The following CLTB variants were observed in gnomAD, a reference collection of about 807,000 sequenced individuals.
CLTB encodes clathrin, light chain (Lcb).
CLTB carries 10 observed loss-of-function variants against 30.5 expected under a neutral mutation model. The observed-to-expected ratio is 0.33, with a 90% CI of 0.20 to 0.56. The LOEUF is 0.56. Among genes scored for constraint, CLTB ranks in the 20% least tolerant of loss-of-function variants. The pLI is 0.91. For missense variants in CLTB, 261 were observed against 308.3 expected (o/e 0.85, Z 1.15); for synonymous variants, 102 against 120.3 (o/e 0.85, Z 1.00).
Position 176,416,467 on chromosome 5 carries a change from G to A in CLTB, c.-104C>T, listed in dbSNP as rs1475185836. 3.0e-6 allele frequency: 3 copies of A among 1,001,828 alleles called. No individual in the cohort carries two copies. The highest frequency in any genetic ancestry group is 1.7e-5 in the African/African-American group (1 of 57,294). 62.1% of individuals were successfully genotyped at this position (1,001,828 alleles called of 1,614,324 possible). On this transcript the variant is annotated 5_prime_UTR_variant, in exon 1 of 6. Coordinates refer to ENST00000310418, the MANE Select transcript of CLTB (RefSeq NM_007097.5). ...ACGCTGTCACCCGAGCCGCGGGGGA[G>A]CCGGCGTCGGCGGGGACGGGCTTGG...
chr5:176,399,238 G>A (rs1314555018), intron 2 of CLTB, among the ~76,000 whole-genome samples: 1 of 152,186 alleles, frequency 6.6e-6, no homozygotes, highest in East Asian at 1.9e-4. Context: ...GCCCAGCACA[G>A]TGCCTGGCCC....
chr5:176,396,194 G>A, intron 5 of CLTB, among the ~76,000 whole-genome samples: 1 of 152,090 alleles, frequency 6.6e-6, no homozygotes, highest in East Asian at 1.9e-4. Context: ...GAGGGAGGGA[G>A]TTGGGGTGCT....
Position 176,404,799 on chromosome 5 carries a change from G to A in CLTB, c.234+5458C>T, listed in dbSNP as rs562173776. On this transcript the variant is annotated intron_variant, in intron 2 of 5. Transcript: ENST00000310418. ...CCGGTGAACCCCGGAATGAGTGACC[G>A]ACCCTCTGTGGCTTTGCACATGCTC... Among the ~76,000 whole-genome samples, 446 of 152,268 alleles carry A rather than the reference G, an allele frequency of 2.9e-3. 1 individual carries two copies. The highest frequency in any genetic ancestry group is 0.01 in the African/African-American group (417 of 41,562).
At chr5:176,400,967 G>A (rs1485638527) in intron 2 of CLTB, among the ~76,000 whole-genome samples, 3 of 152,124 alleles carry the variant, frequency 2.0e-5, no homozygotes, top group Non-Finnish European at 2.9e-5. Context: ...GTGAGGGAAG[G>A]GCAGGCCAGG....
intron 2 of CLTB, among the ~76,000 whole-genome samples, chr5:176,400,115 C>T (rs890148261): frequency 1.3e-5 from 2 of 149,322 alleles, no homozygotes; most frequent in Admixed American, 1.3e-4. Context: ...CACTTGAATC[C>T]GGGGCGGGGC....
In CLTB at chr5:176,416,206, G is replaced by C; in HGVS notation, c.158C>G (p.Ala53Gly). Residue 53 changes from alanine (A) to glycine (G), a missense_variant, in exon 1 of 6, where the codon GCC becomes GGC. Around this residue, in one of 3 missense-constraint regions of CLTB, gnomAD observed 113 missense variants for 102.5 expected, o/e 1.10. Transcript: ENST00000310418. ...ACTCGTGGGGCCCGGCTGCGCGGGG[G>C]CCGCATGGCTGCCGGCAGGTGCCCC... is the stretch of plus-strand genomic sequence containing the variant. ...GFGAPAGSHA[A>G]PAQPGPTSGA... is the part of the protein sequence containing the mutation. The C allele has an allele frequency of 1.3e-6, 2 of 1,592,972 alleles. No homozygotes were observed. Among genetic ancestry groups the C allele is most frequent in the Non-Finnish European group, 1.7e-6 (2 of 1,172,744 alleles).
chr5:176,397,575 A>AC (rs774748259), intron 4 of CLTB, 32 bp downstream of exon 4: 1 of 571,048 alleles, frequency 1.8e-6, no homozygotes, highest in Non-Finnish European at 2.5e-6. Flanking sequence ...TCATGTCCCC[A>AC]TGGCCCCCTC....
intron 2 of CLTB, among the ~76,000 whole-genome samples, chr5:176,402,215 T>C (rs971857194): frequency 3.3e-5 from 5 of 152,108 alleles, no homozygotes; most frequent in Non-Finnish European, 5.9e-5. Context: ...GGCAGGAGAA[T>C]TGAACCCGGG....
At chr5:176,401,098 TGGGCCCTTCTG>T (rs1321479956) in intron 2 of CLTB, among the ~76,000 whole-genome samples, 4 of 152,198 alleles carry the variant, frequency 2.6e-5, no homozygotes, top group Non-Finnish European at 5.9e-5. Flanking sequence ...AACATCCCAG[TGGGCCCTTCTG>T]GGGCCCTTCT....
chr5:176,402,107 A>T (rs190692564), intron 2 of CLTB, among the ~76,000 whole-genome samples: 20 of 152,202 alleles, frequency 1.3e-4, no homozygotes, highest in Non-Finnish European at 2.8e-4. Context: ...GTTCGAGACC[A>T]CCCTGGGCAA....
At chr5:176,415,893 G>A (rs1207423645) in intron 1 of CLTB, among the ~76,000 whole-genome samples, 3 of 152,196 alleles carry the variant, frequency 2.0e-5, no homozygotes, top group Non-Finnish European at 4.4e-5. Flanking sequence ...TCAAAACTGA[G>A]GTGGGGTTGG....
chr5:176,393,819 G>A lies in CLTB; in HGVS notation c.519-874C>T, dbSNP rs988924887. On this transcript the variant is annotated intron_variant, in intron 5 of 5. Coordinates refer to ENST00000310418, the MANE Select transcript of CLTB (RefSeq NM_007097.5). This position sits in a 1 kb window ranked among gnomAD's most constrained non-coding sequence, Gnocchi z 4.4. ...ACAGTCTAGTGGACAAAATCTACAC[G>A]TGGGACTCACTAACAGAAAGACAAT... Among the ~76,000 whole-genome samples, 2 of 152,220 alleles carry A rather than the reference G, an allele frequency of 1.3e-5. No individual in the cohort carries two copies. Among genetic ancestry groups the A allele is most frequent in the East Asian group, 1.9e-4 (1 of 5,202 alleles).
At chr5:176,398,141 T>A (rs1409815962) in intron 2 of CLTB, 94 bp from the exon 3 acceptor site, 4 of 1,162,478 alleles carry the variant, frequency 3.4e-6, no homozygotes. Context: ...TCTGGATAAC[T>A]CAGCCTCAAA....
chr5:176,410,322 G>A lies in CLTB; in HGVS notation c.188-19C>T. The stretch of plus-strand genomic sequence containing the variant: ...GAACCAGCTGGAAAGAGAACAAGGA[G>A]ATAGCATTACTCACTGTTTAGCTTA... On this transcript the variant is annotated intron_variant, in intron 1 of 5. Transcript: ENST00000310418. 6.2e-7 allele frequency: 1 copy of A among 1,611,810 alleles called. No homozygotes were observed.
At chr5:176,403,427 G>T (rs1756935994) in intron 2 of CLTB, among the ~76,000 whole-genome samples, 1 of 150,552 alleles carries the variant, frequency 6.6e-6, no homozygotes, top group South Asian at 2.1e-4. Flanking sequence ...TACATGGTTG[G>T]TTTTTTGTTT....
chr5:176,398,123 C>G, intron 2 of CLTB, 76 bp from the exon 3 acceptor site: 1 of 1,348,104 alleles, frequency 7.4e-7, no homozygotes, highest in Non-Finnish European at 1.1e-6. Flanking sequence ...GCTGGGGACC[C>G]ACTCATGTCT....
intron 1 of CLTB, 97 bp downstream of exon 1, chr5:176,416,080 G>T: frequency 9.1e-7 from 1 of 1,103,172 alleles, no homozygotes; most frequent in Non-Finnish European, 1.2e-6. Context: ...TGCCCCGGGT[G>T]GCCTAGAGCA....
chr5:176,410,513 A>G (rs1211323564), intron 1 of CLTB, among the ~76,000 whole-genome samples: 1 of 152,148 alleles, frequency 6.6e-6, no homozygotes, highest in Non-Finnish European at 1.5e-5. Flanking sequence ...AGTACATTTT[A>G]TGTTCACCAC....
intron 5 of CLTB, 103 bp downstream of exon 5, chr5:176,396,376 G>T (rs1456895425): frequency 1.9e-6 from 2 of 1,074,062 alleles, no homozygotes; most frequent in African/African-American, 1.6e-5. Flanking sequence ...ATTGCTCCGA[G>T]CCCAGCCACA....
Sources: gnomAD v4.1 joint callset for allele counts (sites outside exome capture counted in the v4.1 genomes callset) on GRCh38, gnomAD v4.1.1 for gene constraint, gnomAD v4.1.1 regional missense constraint, Gnocchi (gnomAD v3.1) non-coding constraint, MANE v1.5 for transcripts, NCBI Gene and HGNC (gene_info 2026-07-23, HGNC 2026-07-21) for gene names.